Variants in MYT1L observed in about 807,000 individuals in gnomAD.
MYT1L encodes the protein myelin transcription factor 1-like protein.
MYT1L carries 12 observed loss-of-function variants against 126.7 expected under a neutral mutation model. The observed-to-expected ratio is 0.09, with a 90% CI of 0.06 to 0.15. The LOEUF is 0.15. Among genes scored for constraint, MYT1L ranks in the 10% least tolerant of loss-of-function variants. MYT1L has a pLI of 1.00. For missense variants in MYT1L, 979 were observed against 1,585.2 expected (o/e 0.62, Z 6.49); for synonymous variants, 541 against 604.2 (o/e 0.90, Z 1.53).
At chr2:1,935,382 T>C (rs977848106) in intron 9 of MYT1L, among the ~76,000 whole-genome samples, 1 of 152,174 alleles carries the variant, frequency 6.6e-6, no homozygotes, top group Non-Finnish European at 1.5e-5. Flanking sequence ...TTTTAAACTC[T>C]TGCAGCCTTA....
At chr2:2,048,487 C>A (rs182425314) in intron 4 of MYT1L, among the ~76,000 whole-genome samples, 1 of 152,186 alleles carries the variant, frequency 6.6e-6, no homozygotes, top group Non-Finnish European at 1.5e-5. Flanking sequence ...CCTGACACCG[C>A]TGGGACCTCT....
chr2:1,919,019 T>C (rs916898681), intron 10 of MYT1L, among the ~76,000 whole-genome samples: 1 of 152,100 alleles, frequency 6.6e-6, no homozygotes, highest in African/African-American at 2.4e-5. Flanking sequence ...AGATAAGAGA[T>C]TTTGAACTAG....
intron 3 of MYT1L, among the ~76,000 whole-genome samples, chr2:2,128,055 T>C (rs2081935687): frequency 1.3e-5 from 2 of 152,248 alleles, no homozygotes; most frequent in Non-Finnish European, 2.9e-5. Flanking sequence ...ATGCTAATTA[T>C]GAAAAACAAC....
chr2:2,179,519 C>T (rs892793780), intron 2 of MYT1L, among the ~76,000 whole-genome samples: 1 of 152,272 alleles, frequency 6.6e-6, no homozygotes, highest in African/African-American at 2.4e-5. Context: ...GTATTATTAT[C>T]GTTATCATGA....
chr2:2,066,460 C>T (rs899154923), intron 3 of MYT1L, among the ~76,000 whole-genome samples: 7 of 152,196 alleles, frequency 4.6e-5, no homozygotes, highest in Admixed American at 1.3e-4. Flanking sequence ...CTTTCCTCAT[C>T]ATTAAAATAG....
chr2:2,166,920 C>A (rs541299561), intron 3 of MYT1L, among the ~76,000 whole-genome samples: 1 of 152,242 alleles, frequency 6.6e-6, no homozygotes, highest in South Asian at 2.1e-4. Flanking sequence ...ACAAAATGTT[C>A]TTAAAATCTT....
intron 5 of MYT1L, among the ~76,000 whole-genome samples, chr2:1,990,737 T>C (rs60771529): frequency 0.13 from 20,155 of 152,166 alleles, 1,383 homozygotes; most frequent in East Asian, 0.19. Context: ...GGCAGTTCTG[T>C]GTGGACTGCC....
intron 1 of MYT1L, among the ~76,000 whole-genome samples, chr2:2,298,368 G>C (rs2095730111): frequency 1.3e-5 from 2 of 152,194 alleles, no homozygotes; most frequent in African/African-American, 4.8e-5. Context: ...ATTCGATGAA[G>C]CTTAAAGTCT....
chr2:2,221,141 T>C (rs776586561), intron 2 of MYT1L, among the ~76,000 whole-genome samples: 20 of 152,188 alleles, frequency 1.3e-4, no homozygotes, highest in Non-Finnish European at 2.6e-4. Flanking sequence ...ATGTTTTTCA[T>C]GGGGGCTTTG....
chr2:2,144,506 CT>C (rs2084562832), intron 3 of MYT1L, among the ~76,000 whole-genome samples: 1 of 152,208 alleles, frequency 6.6e-6, no homozygotes, highest in Non-Finnish European at 1.5e-5. Flanking sequence ...ATCCCTGCCC[CT>C]GAATCTCTAA....
chr2:2,175,142 T>G (rs886984467), intron 2 of MYT1L, among the ~76,000 whole-genome samples: 3 of 152,016 alleles, frequency 2.0e-5, no homozygotes, highest in African/African-American at 7.3e-5. Flanking sequence ...GAGAAGGGCC[T>G]CCACCGTGGG....
intron 8 of MYT1L, among the ~76,000 whole-genome samples, chr2:1,956,609 T>TA (rs1457092257): frequency 6.7e-6 from 1 of 149,926 alleles, no homozygotes; most frequent in South Asian, 2.1e-4. Flanking sequence ...TCTATCTATC[T>TA]ATCTATCTAT....
intron 2 of MYT1L, among the ~76,000 whole-genome samples, chr2:2,282,405 G>T (rs1468082799): frequency 6.6e-6 from 1 of 152,188 alleles, no homozygotes; most frequent in Non-Finnish European, 1.5e-5. Flanking sequence ...TTGAATTTAT[G>T]AATTTATGAC....
chr2:2,159,254 T>C (rs566251434), intron 3 of MYT1L, among the ~76,000 whole-genome samples: 2 of 152,176 alleles, frequency 1.3e-5, no homozygotes, highest in East Asian at 1.9e-4. Context: ...CCTTATTGAG[T>C]CCACATGGGA....
intron 9 of MYT1L, among the ~76,000 whole-genome samples, chr2:1,925,059 CTA>C (rs2054046702): frequency 6.6e-6 from 1 of 152,176 alleles, no homozygotes; most frequent in Non-Finnish European, 1.5e-5. Context: ...GCCAGAATCA[CTA>C]TGTCTATGAA....
chr2:1,949,340 G>T (rs1043989735), intron 8 of MYT1L, among the ~76,000 whole-genome samples: 4 of 152,178 alleles, frequency 2.6e-5, no homozygotes, highest in Non-Finnish European at 5.9e-5. Flanking sequence ...GGTTACGCAG[G>T]GTTACACATG....
At chr2:2,280,774 G>A (rs568044462) in intron 2 of MYT1L, among the ~76,000 whole-genome samples, 1 of 152,256 alleles carries the variant, frequency 6.6e-6, no homozygotes, top group South Asian at 2.1e-4. Context: ...AACCTGAGAG[G>A]CATCCAGAGC....
At chr2:2,203,770 C>G (rs1277785735) in intron 2 of MYT1L, among the ~76,000 whole-genome samples, 1 of 152,128 alleles carries the variant, frequency 6.6e-6, no homozygotes, top group African/African-American at 2.4e-5. Flanking sequence ...CTTTAAAGTT[C>G]ACATGGAACC....
intron 3 of MYT1L, among the ~76,000 whole-genome samples, chr2:2,143,597 C>G (rs1157193583): frequency 6.6e-6 from 1 of 152,032 alleles, no homozygotes; most frequent in Non-Finnish European, 1.5e-5. Context: ...GTGTTAGGTG[C>G]TAAGAATGAT....
Sources: allele counts gnomAD v4.1 joint callset (sites outside exome capture counted in the v4.1 genomes callset), GRCh38; gene constraint gnomAD v4.1.1; transcripts MANE v1.5; gene names NCBI Gene and HGNC (gene_info 2026-07-23, HGNC 2026-07-21).